Variants in NEGR1 observed in about 807,000 individuals in gnomAD.
NEGR1 encodes the protein neuronal growth regulator 1.
NEGR1 carries 10 observed loss-of-function variants against 40.9 expected under a neutral mutation model. That is an observed-to-expected ratio of 0.24 (90% confidence interval 0.15 to 0.42). NEGR1 has a LOEUF of 0.42. Ranked by LOEUF, NEGR1 falls within the 10% of genes least tolerant of loss-of-function variation. NEGR1 has a pLI of 1.00. For synonymous variants in NEGR1, 185 were observed against 166.8 expected (o/e 1.11, Z -0.84); for missense variants, 352 against 438.9 (o/e 0.80, Z 1.77).
At chr1:71,574,141 A>G (rs991512587) in intron 6 of NEGR1, among the ~76,000 whole-genome samples, 1 of 152,206 alleles carries the variant, frequency 6.6e-6, no homozygotes, top group African/African-American at 2.4e-5. Flanking sequence ...GGAAAATACT[A>G]GGTTCCCTAA....
At chr1:71,871,234 G>T (rs1470010827) in intron 2 of NEGR1, among the ~76,000 whole-genome samples, 1 of 152,162 alleles carries the variant, frequency 6.6e-6, no homozygotes, top group African/African-American at 2.4e-5. Flanking sequence ...ATATTAGGCT[G>T]AGATGTAAAA....
intron 2 of NEGR1, among the ~76,000 whole-genome samples, chr1:71,855,355 T>C (rs1323041216): frequency 6.6e-6 from 1 of 151,996 alleles, no homozygotes; most frequent in Non-Finnish European, 1.5e-5. Context: ...TTTTTTTTCT[T>C]ACAAAATGGA....
chr1:72,032,799 C>A (rs1646870654), intron 1 of NEGR1, among the ~76,000 whole-genome samples: 1 of 152,044 alleles, frequency 6.6e-6, no homozygotes, highest in African/African-American at 2.4e-5. Context: ...GGTGAGGTCA[C>A]TTCCTAGGTG....
intron 1 of NEGR1, among the ~76,000 whole-genome samples, chr1:72,196,601 C>A (rs1431793064): frequency 6.6e-6 from 1 of 151,914 alleles, no homozygotes; most frequent in Non-Finnish European, 1.5e-5. Context: ...GAAACTCCAT[C>A]TCTACTAAAA....
At chr1:72,215,228 A>G (rs1220188488) in intron 1 of NEGR1, among the ~76,000 whole-genome samples, 1 of 152,172 alleles carries the variant, frequency 6.6e-6, no homozygotes, top group Non-Finnish European at 1.5e-5. Flanking sequence ...GATGGATTAG[A>G]GACTTAAATG....
At chr1:71,548,801 T>A (rs986888042) in intron 6 of NEGR1, among the ~76,000 whole-genome samples, 2 of 151,732 alleles carry the variant, frequency 1.3e-5, no homozygotes, top group Non-Finnish European at 1.5e-5. Context: ...CTTGATTTTA[T>A]GTTTGAGCCA....
chr1:72,251,929 T>C (rs559158071), intron 1 of NEGR1, among the ~76,000 whole-genome samples: 52 of 152,326 alleles, frequency 3.4e-4, no homozygotes, highest in African/African-American at 1.2e-3. Context: ...AAGACAGTTT[T>C]CTTTAGAAAA....
At chr1:71,548,318 C>T (rs754906331) in intron 6 of NEGR1, among the ~76,000 whole-genome samples, 2 of 151,694 alleles carry the variant, frequency 1.3e-5, no homozygotes, top group Non-Finnish European at 3.0e-5. Flanking sequence ...GGTAACATTT[C>T]TGCTGCTTTG....
chr1:72,252,919 A>G (rs926792042), intron 1 of NEGR1, among the ~76,000 whole-genome samples: 1 of 152,214 alleles, frequency 6.6e-6, no homozygotes, highest in Non-Finnish European at 1.5e-5. Context: ...TTGCGAAGGA[A>G]AAATGAATTG....
intron 1 of NEGR1, among the ~76,000 whole-genome samples, chr1:71,997,133 C>T (rs1391237397): frequency 6.6e-6 from 1 of 151,996 alleles, no homozygotes; most frequent in African/African-American, 2.4e-5. Flanking sequence ...TATCAAGCTA[C>T]CTGTTGAATA....
chr1:71,952,656 C>T (rs141117411), intron 1 of NEGR1, among the ~76,000 whole-genome samples: 1 of 151,944 alleles, frequency 6.6e-6, no homozygotes, highest in African/African-American at 2.4e-5. Flanking sequence ...GCAGATAAAA[C>T]TGCCTTTTAT....
chr1:72,253,195 C>T (rs1259932331), intron 1 of NEGR1, among the ~76,000 whole-genome samples: 2 of 152,100 alleles, frequency 1.3e-5, no homozygotes, highest in African/African-American at 2.4e-5. Flanking sequence ...TCCATTGCCT[C>T]ATTTGTCATC....
intron 1 of NEGR1, among the ~76,000 whole-genome samples, chr1:72,078,639 T>TATATA (rs568891295): frequency 4.1e-4 from 51 of 123,598 alleles, no homozygotes; most frequent in African/African-American, 1.4e-3. Context: ...ATATATATAT[T>TATATA]TATTTATTTT....
chr1:71,911,794 T>C (rs1477658122), intron 2 of NEGR1, among the ~76,000 whole-genome samples: 3 of 152,180 alleles, frequency 2.0e-5, no homozygotes, highest in African/African-American at 7.2e-5. Context: ...CAGTAAGAAA[T>C]TTAAAGGGTA....
chr1:71,852,480 T>C (rs1414658353), intron 2 of NEGR1, among the ~76,000 whole-genome samples: 1 of 152,136 alleles, frequency 6.6e-6, no homozygotes, highest in South Asian at 2.1e-4. Flanking sequence ...CTAAATCTTA[T>C]CTGGAGCCTA....
chr1:72,005,411 C>T (rs1291504178), intron 1 of NEGR1, among the ~76,000 whole-genome samples: 1 of 152,092 alleles, frequency 6.6e-6, no homozygotes, highest in East Asian at 1.9e-4. Flanking sequence ...ATTACATACT[C>T]ATTATTAGAA....
chr1:71,857,337 C>T (rs1659803785), intron 2 of NEGR1, among the ~76,000 whole-genome samples: 2 of 151,256 alleles, frequency 1.3e-5, no homozygotes, highest in Non-Finnish European at 2.9e-5. Flanking sequence ...ACAGGCCAGG[C>T]ACTGTGGCTC....
intron 4 of NEGR1, among the ~76,000 whole-genome samples, chr1:71,638,810 C>T (rs991272858): frequency 2.6e-5 from 4 of 151,696 alleles, no homozygotes; most frequent in South Asian, 4.2e-4. Context: ...CCCATGTGTC[C>T]GCAATGCAAG....
At chr1:72,272,319 C>G (rs1227945396) in intron 1 of NEGR1, among the ~76,000 whole-genome samples, 1 of 151,732 alleles carries the variant, frequency 6.6e-6, no homozygotes, top group Admixed American at 6.6e-5. Context: ...AATAACCTAC[C>G]AAGCACTAAC....
Sources: allele counts gnomAD v4.1 joint callset (sites outside exome capture counted in the v4.1 genomes callset), GRCh38; gene constraint gnomAD v4.1.1; transcripts MANE v1.5; gene names NCBI Gene and HGNC (gene_info 2026-07-23, HGNC 2026-07-21).